MAP2K5: variants seen among roughly 807,000 people sequenced by gnomAD.
MAP2K5 encodes mitogen-activated protein kinase kinase 5, also known as dual specificity mitogen-activated protein kinase kinase 5.
A neutral mutation model predicts 83.1 loss-of-function variants in MAP2K5; 49 were observed. The ratio of observed to expected loss-of-function variants is 0.59; its 90% CI spans 0.47 to 0.75. MAP2K5 has a LOEUF of 0.75. Among genes scored for constraint, MAP2K5 ranks in the 30% least tolerant of loss-of-function variants. The pLI is 0.00. For missense variants in MAP2K5, 457 were observed against 557.5 expected (o/e 0.82, Z 1.82); for synonymous variants, 202 against 191.8 (o/e 1.05, Z -0.44).
rs755869288 is a variant in MAP2K5, at chr15:67,746,231, A to T, written c.1075-2000A>T. ...CATATGTTTCTGGGGACAGTGTTTC[A>T]TAATCCATTTCTGAATTCATTTCAA... On this transcript the variant is annotated intron_variant, in intron 17 of 21. Coordinates refer to ENST00000178640, the MANE Select transcript of MAP2K5 (RefSeq NM_145160.3). The surrounding 1 kb of genome is among the most constrained non-coding windows in gnomAD (Gnocchi z 4.1). 1.4e-4 allele frequency among the ~76,000 whole-genome samples: 22 copies of T among 152,242 alleles called. No homozygotes were observed. Among genetic ancestry groups the T allele is most frequent in the Non-Finnish European group, 2.9e-4 (20 of 68,048 alleles).
chr15:67,785,712 G>T lies in MAP2K5; in HGVS notation c.1242+12960G>T, dbSNP rs1413039619. Among the ~76,000 whole-genome samples, 1 of 152,198 alleles carries T rather than the reference G, an allele frequency of 6.6e-6. No individual in the cohort carries two copies. The highest frequency in any genetic ancestry group is 1.5e-5 in the Non-Finnish European group (1 of 68,036). ...TCCTATGACCTTGATGGAAGGAGGG[G>T]AAAGGTAGAAGGGTTTGTGATCTGA... On this transcript the variant is annotated intron_variant, in intron 21 of 21. Coordinates refer to ENST00000178640, the MANE Select transcript of MAP2K5 (RefSeq NM_145160.3). The surrounding 1 kb of genome is among the most constrained non-coding windows in gnomAD (Gnocchi z 4.4).
intron 8 of MAP2K5, among the ~76,000 whole-genome samples, chr15:67,613,463 A>G (rs998539966): frequency 2.0e-5 from 3 of 152,166 alleles, no homozygotes; most frequent in Admixed American, 6.6e-5. Context: ...GGATATATCT[A>G]TTATCTCATA....
rs1486544136 is a variant in MAP2K5, at chr15:67,637,135, G to A, written c.585+6208G>A. Among the ~76,000 whole-genome samples the A allele has an allele frequency of 6.6e-6, 1 of 152,142 alleles. No individual in the cohort carries two copies. Among genetic ancestry groups the A allele is most frequent in the East Asian group, 1.9e-4 (1 of 5,186 alleles). Reference sequence around the variant, plus strand: ...CTACAGACTGAAGGCTGCACTGTTGGCTTCCCTACTTTTGAGGTTTTCAGA... The same window carrying A: ...CTACAGACTGAAGGCTGCACTGTTGACTTCCCTACTTTTGAGGTTTTCAGA... On this transcript the variant is annotated intron_variant, in intron 9 of 21. Coordinates refer to ENST00000178640, the MANE Select transcript of MAP2K5 (RefSeq NM_145160.3). This position sits in a 1 kb window ranked among gnomAD's most constrained non-coding sequence, Gnocchi z 4.5.
chr15:67,640,265 C>G lies in MAP2K5; in HGVS notation c.586-5966C>G, dbSNP rs1282593370. On this transcript the variant is annotated intron_variant, in intron 9 of 21. Transcript: ENST00000178640. This position sits in a 1 kb window ranked among gnomAD's most constrained non-coding sequence, Gnocchi z 4.6. ...TCTGTTTGTTCTTTAGTTCATTCAT[C>G]TTTTAAAGTAACATCTTGAAAGCAG... Among the ~76,000 whole-genome samples, 1 of 152,154 alleles carries G rather than the reference C, an allele frequency of 6.6e-6. No homozygotes were observed. The highest frequency in any genetic ancestry group is 1.5e-5 in the Non-Finnish European group (1 of 68,020).
intron 20 of MAP2K5, among the ~76,000 whole-genome samples, chr15:67,771,597 G>A (rs898281387): frequency 2.0e-5 from 3 of 152,190 alleles, no homozygotes; most frequent in Admixed American, 2.0e-4. Flanking sequence ...TGTCAGATTA[G>A]GACTGTTACC....
At chr15:67,585,863 C>T (rs199915671) in intron 4 of MAP2K5, 27 bp from the exon 5 acceptor site, 739 of 1,609,414 alleles carry the variant, frequency 4.6e-4, no homozygotes, top group Non-Finnish European at 5.8e-4. Context: ...CTGATGTGTT[C>T]TACAATTTAG....
rs1449342643 is a variant in MAP2K5 at position 67,786,137 on chromosome 15, T to C, written c.1242+13385T>C. On this transcript the variant is annotated intron_variant, in intron 21 of 21. Coordinates refer to ENST00000178640, the MANE Select transcript of MAP2K5 (RefSeq NM_145160.3). This position sits in a 1 kb window ranked among gnomAD's most constrained non-coding sequence, Gnocchi z 4.7. ...CTCTTTGGGTCATGATTTTCTCATC[T>C]GTCTGATGTTCCTGGGTATTTCCAG... is the stretch of plus-strand genomic sequence containing the variant. Among the ~76,000 whole-genome samples, 2 of 152,208 alleles carry C rather than the reference T, an allele frequency of 1.3e-5. No homozygotes were observed. Among genetic ancestry groups the C allele is most frequent in the Non-Finnish European group, 2.9e-5 (2 of 68,034 alleles).
rs951128985 is a variant in MAP2K5, at chr15:67,785,811, A to G, written c.1242+13059A>G. Among the ~76,000 whole-genome samples the G allele has an allele frequency of 2.1e-4, 32 of 151,102 alleles. No individual in the cohort carries two copies. The highest frequency in any genetic ancestry group is 7.3e-4 in the African/African-American group (30 of 40,938). Reference sequence around the variant, plus strand: ...TCTTTCAAAGCTTGCAAATCAGTCTATCGTGTGAATGTGAGCCAAGAAGCA... The same window carrying G: ...TCTTTCAAAGCTTGCAAATCAGTCTGTCGTGTGAATGTGAGCCAAGAAGCA... On this transcript the variant is annotated intron_variant, in intron 21 of 21. Coordinates refer to ENST00000178640, the MANE Select transcript of MAP2K5 (RefSeq NM_145160.3). The surrounding 1 kb of genome is among the most constrained non-coding windows in gnomAD (Gnocchi z 4.4).
At chr15:67,580,941 C>A in intron 4 of MAP2K5, 118 bp downstream of exon 4, 1 of 703,432 alleles carries the variant, frequency 1.4e-6, no homozygotes, top group South Asian at 1.6e-5. Flanking sequence ...ATTCGAAAAA[C>A]AAAAGAAGTA....
At position 67,563,447 on chromosome 15, in the gene MAP2K5, T is replaced by G. The variant is rs1461420124; in HGVS notation, c.252+97T>G. 8.4e-6 allele frequency: 12 copies of G among 1,435,146 alleles called. No individual in the cohort carries two copies. Among genetic ancestry groups the G allele is most frequent in the Non-Finnish European group, 1.1e-5 (12 of 1,075,862 alleles). 88.9% of individuals were successfully genotyped at this position (1,435,146 alleles called of 1,614,324 possible). A position where few individuals can be genotyped will look rare whatever the true frequency, so the allele number is the denominator to read the frequency against. On this transcript the variant is annotated intron_variant, in intron 3 of 21. Coordinates refer to ENST00000178640, the MANE Select transcript of MAP2K5 (RefSeq NM_145160.3). This position sits in a 1 kb window ranked among gnomAD's most constrained non-coding sequence, Gnocchi z 4.5. ...GTGAAGACGAGTAAATAAATCACAG[T>G]TGTCATACATTTTTCTATATAATAG...
In MAP2K5 at chr15:67,649,539, G is replaced by A. The variant is rs956740018; in HGVS notation, c.736+3070G>A. ...ATGAGATAGGGGTCCAAATTTATTC[G>A]TTTGCATGTAGATATACATTTGTTC... On this transcript the variant is annotated intron_variant, in intron 11 of 21. Coordinates refer to ENST00000178640, the MANE Select transcript of MAP2K5 (RefSeq NM_145160.3). Among the ~76,000 whole-genome samples, 102 of 151,888 alleles carry A rather than the reference G, an allele frequency of 6.7e-4. 1 individual carries two copies. The highest frequency in any genetic ancestry group is 6.3e-3 in the Admixed American group (96 of 15,248).
At chr15:67,716,443 C>A (rs2088828522) in intron 16 of MAP2K5, among the ~76,000 whole-genome samples, 3 of 152,182 alleles carry the variant, frequency 2.0e-5, no homozygotes. Context: ...AGGAACCAGT[C>A]TTCTGGTGAC....
In MAP2K5 at chr15:67,698,344, C is replaced by T. The variant is rs756812137; in HGVS notation, c.972+4776C>T. On this transcript the variant is annotated intron_variant, in intron 15 of 21. Coordinates refer to ENST00000178640, the MANE Select transcript of MAP2K5 (RefSeq NM_145160.3). The surrounding 1 kb of genome is among the most constrained non-coding windows in gnomAD (Gnocchi z 4.5). ...CTGGGATTACAGGCGTGCACCACCA[C>T]GCCCGGCTAATTTTTGTATTTTTAG... Among the ~76,000 whole-genome samples, 19 of 151,956 alleles carry T rather than the reference C, an allele frequency of 1.3e-4. No homozygotes were observed. Among genetic ancestry groups the T allele is most frequent in the Admixed American group, 9.2e-4 (14 of 15,256 alleles).
In MAP2K5 at chr15:67,719,869, T is replaced by C. The variant is rs980675256; in HGVS notation, c.1045-8047T>C. 6.6e-6 allele frequency among the ~76,000 whole-genome samples: 1 copy of C among 152,224 alleles called. No individual in the cohort carries two copies. Among genetic ancestry groups the C allele is most frequent in the Non-Finnish European group, 1.5e-5 (1 of 68,034 alleles). On this transcript the variant is annotated intron_variant, in intron 16 of 21. Transcript: ENST00000178640. This position sits in a 1 kb window ranked among gnomAD's most constrained non-coding sequence, Gnocchi z 4.6. ...ATTAATCATGACTAAACTTTATGTC[T>C]CTTTAACTCAGAGTCTCTCACGAAT...
Position 67,572,762 on chromosome 15 carries a change from C to T in MAP2K5, c.253-7992C>T, listed in dbSNP as rs189303487. 2.6e-5 allele frequency among the ~76,000 whole-genome samples: 4 copies of T among 151,390 alleles called. No individual in the cohort carries two copies. Among genetic ancestry groups the T allele is most frequent in the Non-Finnish European group, 4.4e-5 (3 of 67,880 alleles). Reference sequence around the variant, plus strand: ...TTGCCCAGGCTGGAGTGCAGTGGTTCGATCTTGGCTCACTGCAAACTCACC... The same window carrying T: ...TTGCCCAGGCTGGAGTGCAGTGGTTTGATCTTGGCTCACTGCAAACTCACC... On this transcript the variant is annotated intron_variant, in intron 3 of 21. Coordinates refer to ENST00000178640, the MANE Select transcript of MAP2K5 (RefSeq NM_145160.3). The surrounding 1 kb of genome is among the most constrained non-coding windows in gnomAD (Gnocchi z 4.2).
chr15:67,610,187 A>C (rs892280004), intron 8 of MAP2K5, among the ~76,000 whole-genome samples: 3 of 152,202 alleles, frequency 2.0e-5, no homozygotes, highest in Admixed American at 6.5e-5. Context: ...ATATAAAATT[A>C]GTGTATAAAT....
At position 67,627,198 on chromosome 15, in the gene MAP2K5, G is replaced by A. The variant is rs910781487; in HGVS notation, c.546-3690G>A. 2.6e-5 allele frequency among the ~76,000 whole-genome samples: 4 copies of A among 152,198 alleles called. No homozygotes were observed. In the East Asian group the frequency reaches 5.8e-4, roughly 22 times the overall value. On this transcript the variant is annotated intron_variant, in intron 8 of 21. Coordinates refer to ENST00000178640, the MANE Select transcript of MAP2K5 (RefSeq NM_145160.3). ...TCCTGGGTTCAAGTGATCCTCCTGCGTTGGCTTCCCAAAGTGCTGAGATTA... is the reference window on the plus strand; with the variant it reads ...TCCTGGGTTCAAGTGATCCTCCTGCATTGGCTTCCCAAAGTGCTGAGATTA...
chr15:67,681,397 C>T (rs1180951208), intron 13 of MAP2K5, among the ~76,000 whole-genome samples: 2 of 152,176 alleles, frequency 1.3e-5, no homozygotes, highest in Non-Finnish European at 2.9e-5. Flanking sequence ...TTAAATGATT[C>T]GTCCAGTCTC....
intron 21 of MAP2K5, among the ~76,000 whole-genome samples, chr15:67,795,128 C>T (rs1465858500): frequency 6.6e-6 from 1 of 152,136 alleles, no homozygotes; most frequent in Non-Finnish European, 1.5e-5. Context: ...ATGGTAGGCC[C>T]TTATTTTTCA....
Sources: gnomAD v4.1 joint callset for allele counts (sites outside exome capture counted in the v4.1 genomes callset) on GRCh38, gnomAD v4.1.1 for gene constraint, Gnocchi (gnomAD v3.1) non-coding constraint, MANE v1.5 for transcripts, NCBI Gene and HGNC (gene_info 2026-07-23, HGNC 2026-07-21) for gene names.